The following SIPA1L3 variants were observed in gnomAD, a reference collection of about 807,000 sequenced individuals.
SIPA1L3 encodes the protein signal-induced proliferation-associated 1-like protein 3.
SIPA1L3 carries 59 observed loss-of-function variants against 150.1 expected under a neutral mutation model. That is an observed-to-expected ratio of 0.39 (90% confidence interval 0.32 to 0.49). SIPA1L3 has a LOEUF of 0.49. Ranked by LOEUF, SIPA1L3 falls within the 20% of genes least tolerant of loss-of-function variation. The pLI is 0.86. For synonymous variants in SIPA1L3, 1,070 were observed against 1,077.6 expected, an observed-to-expected ratio of 0.99 and a Z score of 0.14; for missense variants, 2,211 against 2,489.5, an observed-to-expected ratio of 0.89 and a Z score of 2.38.
intron 12 of SIPA1L3, among the ~76,000 whole-genome samples, chr19:38,142,915 G>T (rs529024598): frequency 6.6e-6 from 1 of 152,158 alleles, no homozygotes; most frequent in South Asian, 2.1e-4. Flanking sequence ...ACCCATCGTT[G>T]GCTTTCCTTG....
In SIPA1L3 at chr19:38,081,970, C is replaced by T; in HGVS notation, c.405C>T (p.Ser135=). 6.2e-7 allele frequency: 1 copy of T among 1,614,212 alleles called. No individual in the cohort carries two copies. Reference sequence around the variant, plus strand: ...CCAGCACCCCGGCTTCCTCAGGGTCCAAAGCCTTCCACCGACTCTCCAGGA... The same window carrying T: ...CCAGCACCCCGGCTTCCTCAGGGTCTAAAGCCTTCCACCGACTCTCCAGGA... The part of the protein sequence containing the change: ...PPTSTPASSG[S]KAFHRLSRRR... The change falls in exon 3 of 22, where the codon TCC becomes TCT. Residue 135 remains serine, a synonymous_variant. Coordinates refer to ENST00000222345, the MANE Select transcript of SIPA1L3 (RefSeq NM_015073.3).
intron 8 of SIPA1L3, among the ~76,000 whole-genome samples, chr19:38,114,599 G>T (rs567012994): frequency 1.6e-4 from 24 of 152,328 alleles, no homozygotes; most frequent in Middle Eastern, 3.4e-3. Flanking sequence ...TACCTGGTGT[G>T]TGTGGCATTC....
At chr19:38,026,801 T>A (rs139731204) in intron 1 of SIPA1L3, among the ~76,000 whole-genome samples, 1 of 152,220 alleles carries the variant, frequency 6.6e-6, no homozygotes, top group Non-Finnish European at 1.5e-5. Flanking sequence ...ACCCTGTAAC[T>A]GAAATTAACA....
At chr19:37,945,074 T>C (rs2145536912) in intron 1 of SIPA1L3, among the ~76,000 whole-genome samples, 1 of 152,300 alleles carries the variant, frequency 6.6e-6, no homozygotes, top group Middle Eastern at 3.4e-3. Context: ...AAAAATAATC[T>C]AACATAAAGC....
chr19:38,159,033 C>T (rs540497884), intron 13 of SIPA1L3, among the ~76,000 whole-genome samples: 4 of 152,356 alleles, frequency 2.6e-5, no homozygotes, highest in South Asian at 4.1e-4. Flanking sequence ...CCCAGAGTGA[C>T]TGCCCACCTC....
chr19:37,911,649 C>G (rs1433495502), intron 1 of SIPA1L3, among the ~76,000 whole-genome samples: 1 of 151,442 alleles, frequency 6.6e-6, no homozygotes, highest in Non-Finnish European at 1.5e-5. Flanking sequence ...GTAGCTGGGA[C>G]TACAGGCGCC....
At chr19:38,128,578 G>A (rs768699797) in intron 9 of SIPA1L3, among the ~76,000 whole-genome samples, 2 of 152,192 alleles carry the variant, frequency 1.3e-5, no homozygotes, top group Admixed American at 1.3e-4. Context: ...ACACGAATTT[G>A]TAGAGTAGTT....
rs148520688 is a variant in SIPA1L3 at position 38,052,717 on chromosome 19, G to T, written c.-311+23561G>T. Among the ~76,000 whole-genome samples the T allele has an allele frequency of 3.1e-3, 472 of 152,362 alleles. 2 individuals are homozygous for T. The highest frequency in any genetic ancestry group is 0.011 in the African/African-American group (449 of 41,582). On this transcript the variant is annotated intron_variant, in intron 2 of 21. Coordinates refer to ENST00000222345, the MANE Select transcript of SIPA1L3 (RefSeq NM_015073.3). The stretch of plus-strand genomic sequence containing the variant: ...TGGCACTGAGGTAAGTCCCTTGGTT[G>T]CCAGGGTAACCTGAGGCAGCTCTTT...
chr19:38,000,957 A>C (rs1440823865), intron 1 of SIPA1L3, among the ~76,000 whole-genome samples: 1 of 81,442 alleles, frequency 1.2e-5, no homozygotes. Context: ...TAACACACAT[A>C]TAACACATAT....
intron 2 of SIPA1L3, among the ~76,000 whole-genome samples, chr19:38,060,799 C>A (rs907594722): frequency 4.6e-5 from 7 of 152,178 alleles, no homozygotes; most frequent in Admixed American, 2.6e-4. Context: ...TCAAGTGATT[C>A]TCCTGCCTCA....
rs576975144 is a variant in SIPA1L3 at position 38,088,139 on chromosome 19, C to T, written c.1535-582C>T. Among the ~76,000 whole-genome samples the T allele has an allele frequency of 1.4e-4, 21 of 152,372 alleles. 1 individual carries two copies. The highest frequency in any genetic ancestry group is 2.5e-4 in the Non-Finnish European group (17 of 68,038). ...AACAACTGGGGATGGTCATTGCCAACACTCATCATGTGCGTACTATGTGCC... is the reference window on the plus strand; with the variant it reads ...AACAACTGGGGATGGTCATTGCCAATACTCATCATGTGCGTACTATGTGCC... On this transcript the variant is annotated intron_variant, in intron 3 of 21. Coordinates refer to ENST00000222345, the MANE Select transcript of SIPA1L3 (RefSeq NM_015073.3).
At chr19:37,952,998 G>A (rs1041470295) in intron 1 of SIPA1L3, among the ~76,000 whole-genome samples, 12 of 152,302 alleles carry the variant, frequency 7.9e-5, no homozygotes, top group African/African-American at 2.2e-4. Context: ...TTGGGAGGCC[G>A]AGGTGGGTGG....
intron 13 of SIPA1L3, among the ~76,000 whole-genome samples, chr19:38,161,802 C>G (rs1036321666): frequency 6.6e-6 from 1 of 151,740 alleles, no homozygotes; most frequent in Non-Finnish European, 1.5e-5. Context: ...CATCCCAGCA[C>G]TTTGGGAAGC....
chr19:38,186,370 T>TGG (rs1972677455), intron 16 of SIPA1L3: 1 of 152,070 alleles, frequency 6.6e-6, no homozygotes, highest in African/African-American at 2.4e-5. Context: ...TGGAGTGCAG[T>TGG]GGCGTGATCT....
Position 38,131,334 on chromosome 19 carries a change from G to T in SIPA1L3, c.3143+562G>T, listed in dbSNP as rs950831802. 2.0e-4 allele frequency among the ~76,000 whole-genome samples: 31 copies of T among 152,208 alleles called. 2 individuals are homozygous for T. On this transcript the variant is annotated intron_variant, in intron 10 of 21. Coordinates refer to ENST00000222345, the MANE Select transcript of SIPA1L3 (RefSeq NM_015073.3). ...GCTGCTTACAAGGCGGGCAGAGAAGGCTCCACGAGGCTCCACAGGGAGGCA... is the reference window on the plus strand; with the variant it reads ...GCTGCTTACAAGGCGGGCAGAGAAGTCTCCACGAGGCTCCACAGGGAGGCA...
At chr19:37,995,708 T>C (rs1290729439) in intron 1 of SIPA1L3, among the ~76,000 whole-genome samples, 1 of 152,122 alleles carries the variant, frequency 6.6e-6, no homozygotes, top group Non-Finnish European at 1.5e-5. Context: ...CAGTGTATGC[T>C]GGGTGGGTTA....
chr19:38,102,635 A>G (rs1162738092), intron 6 of SIPA1L3, among the ~76,000 whole-genome samples: 2 of 151,322 alleles, frequency 1.3e-5, no homozygotes, highest in Non-Finnish European at 2.9e-5. Flanking sequence ...ACCCAGCAAT[A>G]TATTGTTGGT....
chr19:37,927,011 T>C (rs1244368908), intron 1 of SIPA1L3, among the ~76,000 whole-genome samples: 4 of 143,686 alleles, frequency 2.8e-5, no homozygotes, highest in African/African-American at 7.6e-5. Flanking sequence ...GGTGGCATGA[T>C]TTTTTTTTTT....
At chr19:38,104,533 G>T (rs923119908) in intron 6 of SIPA1L3, among the ~76,000 whole-genome samples, 22 of 152,148 alleles carry the variant, frequency 1.4e-4, no homozygotes, top group Admixed American at 1.2e-3. Context: ...CTCACCTGGC[G>T]TGGAGGAAGC....
Sources: gnomAD v4.1 joint callset for allele counts (sites outside exome capture counted in the v4.1 genomes callset) on GRCh38, gnomAD v4.1.1 for gene constraint, MANE v1.5 for transcripts, NCBI Gene and HGNC (gene_info 2026-07-23, HGNC 2026-07-21) for gene names.